Variants in IGSF9B observed in about 807,000 individuals in gnomAD.
IGSF9B encodes protein turtle homolog B.
In IGSF9B, 48 loss-of-function variants were observed where a neutral mutation model predicts 143.7. The ratio of observed to expected loss-of-function variants is 0.33; its 90% confidence interval spans 0.26 to 0.42. The LOEUF is 0.42. Ranked by LOEUF, IGSF9B falls within the 20% of genes least tolerant of loss-of-function variation. The pLI, the probability that IGSF9B is intolerant of heterozygous loss-of-function variation, is 1.00. For synonymous variants in IGSF9B, 903 were observed against 833.1 expected, an observed-to-expected ratio of 1.08 and a Z score of -1.44; for missense variants, 1,706 against 1,980.0, an observed-to-expected ratio of 0.86 and a Z score of 2.63.
chr11:133,938,294 T>C, intron 3 of IGSF9B, among the ~76,000 whole-genome samples: 1 of 152,196 alleles, frequency 6.6e-6, no homozygotes, highest in Non-Finnish European at 1.5e-5. Context: ...TTTCCCTTTA[T>C]GATGATCCAT....
chr11:133,936,180 C>CTCCCT lies in IGSF9B; in HGVS notation c.693_694insAGGGA (p.Val232ArgfsTer47), dbSNP rs1555094385. 6.2e-7 allele frequency: 1 copy of CTCCCT among 1,610,458 alleles called. No homozygotes were observed. Among genetic ancestry groups the CTCCCT allele is most frequent in the Non-Finnish European group, 8.5e-7 (1 of 1,178,612 alleles). ...ACGGTGATGTTCTCAGGAGGGGAGACGATGAAAGGGGGCCCTGGGGAGAGC... is the reference window on the plus strand; with the variant it reads ...ACGGTGATGTTCTCAGGAGGGGAGACTCCCTGATGAAAGGGGGCCCTGGGGAGAGC... On this transcript the variant is annotated frameshift_variant, in exon 6 of 20. Transcript: ENST00000533871. LOFTEE classifies it high-confidence loss of function.
chr11:133,919,998 C>T lies in IGSF9B; in HGVS notation c.3727G>A (p.Ala1243Thr), dbSNP rs1233490902. 3 of 1,581,674 alleles carry T rather than the reference C, an allele frequency of 1.9e-6. No individual in the cohort carries two copies. Among genetic ancestry groups the T allele is most frequent in the African/African-American group, 2.7e-5 (2 of 73,550 alleles). ...GACTTTCGAGAAAAGCTGACTGCAG[C>T]CGGCGGCTGCAGGGTGATCTCTGAC... is the stretch of plus-strand genomic sequence containing the variant. ...EMSEITLQPPAAVSFSRKSTP... is the reference protein window; with the variant it reads ...EMSEITLQPPTAVSFSRKSTP... Residue 1243 changes from alanine (A) to threonine (T), a missense_variant, in exon 18 of 20, where the codon GCT (alanine) becomes ACT (threonine). By Grantham distance (58) the Ala-to-Thr change is moderately conservative. This residue lies in a region of IGSF9B where 880 missense variants were observed against 762.9 expected (regional missense o/e 1.15). Transcript: ENST00000533871.
chr11:133,942,140 T>A (rs188716853), intron 3 of IGSF9B, among the ~76,000 whole-genome samples: 3 of 152,314 alleles, frequency 2.0e-5, no homozygotes, highest in African/African-American at 7.2e-5. Context: ...TAGATTTTCA[T>A]CTGACTTTGT....
intron 1 of IGSF9B, among the ~76,000 whole-genome samples, chr11:133,955,236 AC>A (rs538721853): frequency 6.6e-6 from 1 of 151,794 alleles, no homozygotes; most frequent in East Asian, 1.9e-4. Context: ...CCTCACATCC[AC>A]CCCCCGTTCC....
In IGSF9B at chr11:133,929,684, T is replaced by A; in HGVS notation, c.1618A>T (p.Thr540Ser). The change falls in exon 12 of 20, where the codon ACA becomes TCA. Residue 540 changes from threonine (T) to serine (S), a missense_variant. Around this residue, in one of 7 missense-constraint regions of IGSF9B, gnomAD observed 267 missense variants for 321.1 expected, o/e 0.83. Coordinates refer to ENST00000533871, the MANE Select transcript of IGSF9B (RefSeq NM_001277285.4). ...AGAGGTCCGTACCAAACTGAGAATG[T>A]CTGCTCGTAGCCTCCATCATAGCCT... ...EPGYDGGYEQ[T>S]FSVWMKRAQF... The A allele has an allele frequency of 6.2e-7, 1 of 1,612,206 alleles. No homozygotes were observed. Among genetic ancestry groups the A allele is most frequent in the Non-Finnish European group, 8.5e-7 (1 of 1,178,250 alleles).
chr11:133,944,940 T>C (rs1365209800), intron 2 of IGSF9B, among the ~76,000 whole-genome samples: 1 of 152,184 alleles, frequency 6.6e-6, no homozygotes, highest in African/African-American at 2.4e-5. Context: ...AGAGACTATG[T>C]ATCCTACCAA....
In IGSF9B at chr11:133,931,026, C is replaced by G; in HGVS notation, c.1477G>C (p.Val493Leu). The change falls in exon 11 of 20, where the codon GTG (valine) becomes CTG (leucine). Residue 493 changes from valine (V) to leucine (L), a missense_variant. Transcript: ENST00000533871. The surrounding 1 kb of genome is among the most constrained non-coding windows in gnomAD (Gnocchi z 7.7). ...HGEWECVATNVVTSITASTHL... is the reference protein window; with the variant it reads ...HGEWECVATNLVTSITASTHL... ...GTGCTGGCAGTGATGCTCGTGACCA[C>G]GTTGGTGGCGACACATTCCCACTCC... 1 of 1,613,608 alleles carries G rather than the reference C, an allele frequency of 6.2e-7. No homozygotes were observed. The highest frequency in any genetic ancestry group is 8.5e-7 in the Non-Finnish European group (1 of 1,179,744).
Position 133,920,550 on chromosome 11 carries a change from G to A in IGSF9B, c.3175C>T (p.His1059Tyr), listed in dbSNP as rs1249752779. The change falls in exon 18 of 20, where the codon CAC becomes TAC. Residue 1059 changes from histidine to tyrosine, a missense_variant. Physicochemically the swap from His to Tyr is moderately conservative, Grantham distance 83 (BLOSUM62 2). Around this residue, in one of 7 missense-constraint regions of IGSF9B, gnomAD observed 880 missense variants for 762.9 expected, o/e 1.15. Coordinates refer to ENST00000533871, the MANE Select transcript of IGSF9B (RefSeq NM_001277285.4). ...GGCACATCACAGGGTGGCAGCTGGTGGGGGAACATCATCGCTGGGGTCTCC... is the reference window on the plus strand; with the variant it reads ...GGCACATCACAGGGTGGCAGCTGGTAGGGGAACATCATCGCTGGGGTCTCC... ...GLETPAMMFP[H>Y]QLPPCDVPES... 5 of 1,612,452 alleles carry A rather than the reference G, an allele frequency of 3.1e-6. No individual in the cohort carries two copies. The highest frequency in any genetic ancestry group is 2.2e-5 in the South Asian group (2 of 90,874).
At chr11:133,923,507 C>G (rs1437132281) in intron 15 of IGSF9B, among the ~76,000 whole-genome samples, 1 of 152,246 alleles carries the variant, frequency 6.6e-6, no homozygotes, top group African/African-American at 2.4e-5. Context: ...CGAGCCAAGA[C>G]TAGACACCAG....
intron 19 of IGSF9B, among the ~76,000 whole-genome samples, chr11:133,911,296 C>G (rs329676): frequency 0.3 from 45,557 of 152,154 alleles, 7,584 homozygotes; most frequent in Middle Eastern, 0.48. Context: ...ATAGAGGCAT[C>G]CTCTCTGTGG....
In IGSF9B at chr11:133,907,291, G is replaced by T; in HGVS notation, c.*1778C>A. 6.6e-6 allele frequency among the ~76,000 whole-genome samples: 1 copy of T among 152,202 alleles called. No homozygotes were observed. The highest frequency in any genetic ancestry group is 1.9e-4 in the East Asian group (1 of 5,172). ...CAGAAGAAGTCCATCCCCTAAGATG[G>T]AAACGCCAAGAAGAGACAGCAGCCA... On this transcript the variant is annotated 3_prime_UTR_variant, in exon 20 of 20. Coordinates refer to ENST00000533871, the MANE Select transcript of IGSF9B (RefSeq NM_001277285.4).
intron 1 of IGSF9B, among the ~76,000 whole-genome samples, chr11:133,950,630 G>C (rs541084093): frequency 4.3e-4 from 66 of 152,300 alleles, no homozygotes; most frequent in African/African-American, 1.5e-3. Context: ...TGAGCCAGAG[G>C]TCGGCAACTC....
Position 133,909,277 on chromosome 11 carries a change from T to C in IGSF9B, c.4106A>G (p.Asp1369Gly). The change falls in exon 20 of 20, where the codon GAC becomes GGC. Residue 1369 changes from aspartate to glycine, a missense_variant and splice_region_variant. This residue lies in a region of IGSF9B where 880 missense variants were observed against 762.9 expected (regional missense o/e 1.15). Coordinates refer to ENST00000533871, the MANE Select transcript of IGSF9B (RefSeq NM_001277285.4). The surrounding 1 kb of genome is among the most constrained non-coding windows in gnomAD (Gnocchi z 4.2). ...KGSSKSKKRS[D>G]DSASQTQQLP... ...CTGCTGAGTCTGGGAGGCAGAATCGTCTAGGAAGAAAGGAAGAGGGACGCA... is the reference window on the plus strand; with the variant it reads ...CTGCTGAGTCTGGGAGGCAGAATCGCCTAGGAAGAAAGGAAGAGGGACGCA... 1 of 1,535,416 alleles carries C rather than the reference T, an allele frequency of 6.5e-7. No individual in the cohort carries two copies. The highest frequency in any genetic ancestry group is 8.7e-7 in the Non-Finnish European group (1 of 1,146,452).
In IGSF9B at chr11:133,928,365, A is replaced by G. The variant is rs996697377; in HGVS notation, c.1632-1274T>C. ...CCCATCATCCAGGTGCAGTTCTCCA[A>G]TCAGAATCAAGACACCCAGGACACT... On this transcript the variant is annotated intron_variant, in intron 12 of 19. Transcript: ENST00000533871. This position sits in a 1 kb window ranked among gnomAD's most constrained non-coding sequence, Gnocchi z 4.7. 1.3e-5 allele frequency among the ~76,000 whole-genome samples: 2 copies of G among 152,250 alleles called. No homozygotes were observed. The highest frequency in any genetic ancestry group is 2.1e-4 in the South Asian group (1 of 4,822).
chr11:133,911,897 T>C lies in IGSF9B; in HGVS notation c.4094A>G (p.Lys1365Arg), dbSNP rs1193751927. ...TGCCCATCATTTACCGGATCGTTTC[T>C]TTGACTTCGAAGAGCCCTTGGATGA... is the stretch of plus-strand genomic sequence containing the variant. ...KKSSKGSSKS[K>R]KRSDDSASQT... Residue 1365 changes from lysine (K) to arginine (R), a missense_variant, in exon 19 of 20, where the codon AAG becomes AGG. Physicochemically the swap from Lys to Arg is conservative, Grantham distance 26. Around this residue, in one of 7 missense-constraint regions of IGSF9B, gnomAD observed 880 missense variants for 762.9 expected, o/e 1.15. Coordinates refer to ENST00000533871, the MANE Select transcript of IGSF9B (RefSeq NM_001277285.4). 1 of 1,530,126 alleles carries C rather than the reference T, an allele frequency of 6.5e-7. No homozygotes were observed. Among genetic ancestry groups the C allele is most frequent in the Admixed American group, 2.0e-5 (1 of 49,278 alleles). The allele number at this position is 1,530,126 out of a possible 1,614,324, so 94.8% of individuals were successfully genotyped here. A position where few individuals can be genotyped will look rare whatever the true frequency, so the allele number is the denominator to read the frequency against.
In IGSF9B at chr11:133,931,436, C is replaced by T; in HGVS notation, c.1368+17G>A. ...CTCACACCTCCCTGCAGACCCAGGG[C>T]TCCAGGGCCCAGGTACCTTTCTCCA... On this transcript the variant is annotated intron_variant, in intron 10 of 19. Transcript: ENST00000533871. This position sits in a 1 kb window ranked among gnomAD's most constrained non-coding sequence, Gnocchi z 7.7. 1 of 1,580,586 alleles carries T rather than the reference C, an allele frequency of 6.3e-7. No individual in the cohort carries two copies. The highest frequency in any genetic ancestry group is 1.1e-5 in the South Asian group (1 of 90,174).
chr11:133,929,265 C>T (rs1939681014), intron 12 of IGSF9B, among the ~76,000 whole-genome samples: 1 of 152,146 alleles, frequency 6.6e-6, no homozygotes, highest in Admixed American at 6.5e-5. Context: ...ACAAAAATTA[C>T]AAATACAAAA....
At position 133,935,627 on chromosome 11, in the gene IGSF9B, C is replaced by G; in HGVS notation, c.957G>C (p.Leu319=). The G allele has an allele frequency of 1.2e-6, 2 of 1,610,390 alleles. No homozygotes were observed. The highest frequency in any genetic ancestry group is 1.7e-6 in the Non-Finnish European group (2 of 1,178,676). The change falls in exon 7 of 20, where the codon CTG becomes CTC. Residue 319 remains leucine (L), a synonymous_variant. Coordinates refer to ENST00000533871, the MANE Select transcript of IGSF9B (RefSeq NM_001277285.4). ...LGRSPSASAY[L]TVQYPARVLN... Reference sequence around the variant, plus strand: ...TGCACCCCTACTCACACTGCACGGTCAGGTACGCCGAGGCGGAGGGGGAGC... The same window carrying G: ...TGCACCCCTACTCACACTGCACGGTGAGGTACGCCGAGGCGGAGGGGGAGC...
chr11:133,934,094 A>T (rs1565438229), intron 7 of IGSF9B, among the ~76,000 whole-genome samples: 1 of 151,644 alleles, frequency 6.6e-6, no homozygotes, highest in Non-Finnish European at 1.5e-5. Context: ...GTAAATCTCA[A>T]CCCCCTGGAT....
Sources: gnomAD v4.1 joint callset for allele counts (sites outside exome capture counted in the v4.1 genomes callset) on GRCh38, gnomAD v4.1.1 for gene constraint, gnomAD v4.1.1 regional missense constraint, Gnocchi (gnomAD v3.1) non-coding constraint, MANE v1.5 for transcripts, NCBI Gene and HGNC (gene_info 2026-07-23, HGNC 2026-07-21) for gene names.